The following FGF12 variants were observed in gnomAD, a reference collection of about 807,000 sequenced individuals.
FGF12 encodes fibroblast growth factor 12B.
FGF12 carries 14 observed loss-of-function variants against 23.6 expected under a neutral mutation model. The observed-to-expected ratio is 0.59, with a 90% CI of 0.39 to 0.93. FGF12 has a LOEUF of 0.93. FGF12 is among the 40% of genes least tolerant of loss of function. The pLI is 0.00. For synonymous variants in FGF12, 62 were observed against 77.3 expected, an observed-to-expected ratio of 0.80 and a Z score of 1.04; for missense variants, 175 against 217.8, an observed-to-expected ratio of 0.80 and a Z score of 1.24.
intron 4 of FGF12, among the ~76,000 whole-genome samples, chr3:192,307,352 G>A (rs1000541968): frequency 3.9e-5 from 6 of 152,132 alleles, no homozygotes; most frequent in African/African-American, 1.4e-4. Context: ...CACCTCCAGG[G>A]TACGCTTTAG....
chr3:192,204,403 TA>T (rs1257023856), intron 4 of FGF12, among the ~76,000 whole-genome samples: 2 of 152,196 alleles, frequency 1.3e-5, no homozygotes, highest in African/African-American at 2.4e-5. Context: ...AACTAAATTT[TA>T]AATAGCCATA....
chr3:192,720,606 T>C (rs1719007836), intron 2 of FGF12, among the ~76,000 whole-genome samples: 1 of 152,218 alleles, frequency 6.6e-6, no homozygotes, highest in Non-Finnish European at 1.5e-5. Flanking sequence ...CCTCAAACTC[T>C]TGCCATCTAT....
chr3:192,329,731 G>T (rs1717009708), intron 4 of FGF12, among the ~76,000 whole-genome samples: 1 of 152,012 alleles, frequency 6.6e-6, no homozygotes, highest in African/African-American at 2.4e-5. Flanking sequence ...AACTCAAAAA[G>T]AATAAAACAT....
intron 2 of FGF12, among the ~76,000 whole-genome samples, chr3:192,444,886 G>T (rs945520023): frequency 6.6e-6 from 1 of 152,208 alleles, no homozygotes; most frequent in Non-Finnish European, 1.5e-5. Context: ...ATATCTGTAC[G>T]GTGAATCCGT....
At chr3:192,484,417 T>C (rs542226582) in intron 2 of FGF12, among the ~76,000 whole-genome samples, 108 of 152,050 alleles carry the variant, frequency 7.1e-4, no homozygotes, top group South Asian at 3.1e-3. Context: ...CACAGACCCT[T>C]CAGTCAGTGC....
chr3:192,481,438 T>C (rs1352053959), intron 2 of FGF12, among the ~76,000 whole-genome samples: 1 of 152,196 alleles, frequency 6.6e-6, no homozygotes, highest in African/African-American at 2.4e-5. Flanking sequence ...TATCTCCAAC[T>C]AGGGGAAGGT....
chr3:192,626,082 C>G (rs73054482), intron 2 of FGF12, among the ~76,000 whole-genome samples: 1 of 152,162 alleles, frequency 6.6e-6, no homozygotes, highest in Non-Finnish European at 1.5e-5. Flanking sequence ...AATTTTCTCA[C>G]GGCTGCTATA....
intron 2 of FGF12, among the ~76,000 whole-genome samples, chr3:192,454,100 G>T (rs532114783): frequency 6.6e-6 from 1 of 151,730 alleles, no homozygotes; most frequent in Non-Finnish European, 1.5e-5. Context: ...GTGCAGTGAC[G>T]CAATCTTGGC....
At chr3:192,641,479 A>C (rs1287443885) in intron 2 of FGF12, among the ~76,000 whole-genome samples, 1 of 148,058 alleles carries the variant, frequency 6.8e-6, no homozygotes, top group Non-Finnish European at 1.5e-5. Flanking sequence ...ATCTCGGCTC[A>C]TCACAACCTC....
intron 2 of FGF12, among the ~76,000 whole-genome samples, chr3:192,711,677 C>T (rs1003284676): frequency 6.6e-5 from 10 of 152,172 alleles, no homozygotes; most frequent in South Asian, 4.2e-4. Context: ...AAACATGTAC[C>T]GTGTCCACTC....
chr3:192,591,406 AAAGAG>A (rs1304918319), intron 2 of FGF12, among the ~76,000 whole-genome samples: 15 of 151,810 alleles, frequency 9.9e-5, no homozygotes, highest in Non-Finnish European at 1.9e-4. Flanking sequence ...CAGTGAAGGA[AAAGAG>A]AAGAAATGAG....
intron 2 of FGF12, among the ~76,000 whole-genome samples, chr3:192,442,877 G>T (rs893092517): frequency 6.7e-6 from 1 of 150,140 alleles, no homozygotes; most frequent in Non-Finnish European, 1.5e-5. Context: ...GCGCAGTCTC[G>T]GCTCACTGCA....
intron 4 of FGF12, among the ~76,000 whole-genome samples, chr3:192,257,961 G>A (rs898000166): frequency 9.9e-5 from 15 of 151,246 alleles, no homozygotes; most frequent in African/African-American, 3.7e-4. Flanking sequence ...CAATCCTTAC[G>A]GTACCCTGTG....
chr3:192,633,738 C>T (rs1715481509), intron 2 of FGF12, among the ~76,000 whole-genome samples: 1 of 152,146 alleles, frequency 6.6e-6, no homozygotes, highest in African/African-American at 2.4e-5. Context: ...CTGTGACAGT[C>T]CTATATGGAG....
At chr3:192,666,203 G>A (rs932723052) in intron 2 of FGF12, among the ~76,000 whole-genome samples, 1 of 152,054 alleles carries the variant, frequency 6.6e-6, no homozygotes, top group African/African-American at 2.4e-5. Context: ...AATCAATTAA[G>A]GATGCTTTCT....
chr3:192,359,041 T>C (rs1341004956), intron 3 of FGF12, among the ~76,000 whole-genome samples: 1 of 152,140 alleles, frequency 6.6e-6, no homozygotes, highest in Non-Finnish European at 1.5e-5. Flanking sequence ...TAAATGAAAG[T>C]ACATGGAGAG....
chr3:192,537,008 T>G (rs1010555819), intron 2 of FGF12, among the ~76,000 whole-genome samples: 2 of 152,128 alleles, frequency 1.3e-5, no homozygotes, highest in African/African-American at 4.8e-5. Context: ...CTGAGTTCAA[T>G]TGTTTTAATT....
intron 2 of FGF12, among the ~76,000 whole-genome samples, chr3:192,386,845 G>A (rs1035206653): frequency 3.3e-5 from 5 of 152,084 alleles, no homozygotes; most frequent in African/African-American, 1.2e-4. Context: ...AAAAGCTGGG[G>A]AGGCAAAAAA....
intron 4 of FGF12, among the ~76,000 whole-genome samples, chr3:192,309,720 C>A (rs1480631222): frequency 6.6e-6 from 1 of 151,974 alleles, no homozygotes; most frequent in Non-Finnish European, 1.5e-5. Flanking sequence ...TGACTGAGTG[C>A]ATGGAAAGTT....
Sources: gnomAD v4.1 joint callset for allele counts (sites outside exome capture counted in the v4.1 genomes callset) on GRCh38, gnomAD v4.1.1 for gene constraint, MANE v1.5 for transcripts, NCBI Gene and HGNC (gene_info 2026-07-23, HGNC 2026-07-21) for gene names.